The following TANC2 variants were observed in gnomAD, a reference collection of about 807,000 sequenced individuals.
TANC2 encodes tetratricopeptide repeat, ankyrin repeat and coiled-coil containing 2.
TANC2 carries 26 observed loss-of-function variants against 210.5 expected under a neutral mutation model. The observed-to-expected ratio is 0.12, with a 90% CI of 0.09 to 0.17. TANC2 has a LOEUF of 0.17. TANC2 is among the 10% of genes least tolerant of loss of function. The pLI, the probability that TANC2 is intolerant of heterozygous loss-of-function variation, is 1.00. For missense variants in TANC2, 2,129 were observed against 2,608.9 expected (o/e 0.82, Z 4.01); for synonymous variants, 931 against 967.1 (o/e 0.96, Z 0.69).
At chr17:63,345,035 C>T (rs1051440411) in intron 12 of TANC2, among the ~76,000 whole-genome samples, 1 of 152,344 alleles carries the variant, frequency 6.6e-6, no homozygotes, top group Admixed American at 6.5e-5. Context: ...TGCCACCAAA[C>T]ATATGCTTGA....
intron 9 of TANC2, among the ~76,000 whole-genome samples, chr17:63,285,198 T>A (rs978797634): frequency 6.6e-6 from 1 of 152,206 alleles, no homozygotes; most frequent in Non-Finnish European, 1.5e-5. Flanking sequence ...GGCTTCTAAT[T>A]GAAATATTTA....
intron 5 of TANC2, among the ~76,000 whole-genome samples, chr17:63,157,644 A>G (rs2145449258): frequency 6.6e-6 from 1 of 152,330 alleles, no homozygotes; most frequent in East Asian, 1.9e-4. Flanking sequence ...GGATGATAAT[A>G]TTACCTATAT....
At chr17:63,020,120 G>A (rs1293315764) in intron 2 of TANC2, among the ~76,000 whole-genome samples, 3 of 152,162 alleles carry the variant, frequency 2.0e-5, no homozygotes, top group Admixed American at 6.5e-5. Flanking sequence ...TAGAGACGGG[G>A]TTTCACCATT....
intron 3 of TANC2, among the ~76,000 whole-genome samples, chr17:63,081,324 T>C (rs930078205): frequency 6.6e-6 from 1 of 152,178 alleles, no homozygotes; most frequent in Non-Finnish European, 1.5e-5. Context: ...TTTTAAAAAG[T>C]TAATTTATAC....
chr17:63,311,373 A>G lies in TANC2; in HGVS notation c.1160-3015A>G, dbSNP rs141631808. Among the ~76,000 whole-genome samples the G allele has an allele frequency of 4.3e-3, 650 of 152,340 alleles. 6 individuals are homozygous for G. The highest frequency in any genetic ancestry group is 0.014 in the African/African-American group (565 of 41,582). ...CATTGCTAGGTGAAAAAAGTAAATGATGAAACAGTATATATAGTATGATCC... is the reference window on the plus strand; with the variant it reads ...CATTGCTAGGTGAAAAAAGTAAATGGTGAAACAGTATATATAGTATGATCC... On this transcript the variant is annotated intron_variant, in intron 9 of 27. Transcript: ENST00000689528.
At chr17:63,231,860 A>G (rs995414425) in intron 7 of TANC2, among the ~76,000 whole-genome samples, 7 of 152,132 alleles carry the variant, frequency 4.6e-5, no homozygotes, top group African/African-American at 1.4e-4. Flanking sequence ...ATGTTTTCCA[A>G]CTTGGTTCCA....
chr17:63,235,820 CTTG>C (rs1470203515), intron 7 of TANC2, among the ~76,000 whole-genome samples: 9 of 151,822 alleles, frequency 5.9e-5, no homozygotes, highest in African/African-American at 2.2e-4. Context: ...ATCTTTTATT[CTTG>C]TTTTATAATT....
Position 63,285,845 on chromosome 17 carries a change from G to A in TANC2, c.1159+17972G>A, listed in dbSNP as rs184137196. 5.3e-5 allele frequency among the ~76,000 whole-genome samples: 8 copies of A among 152,256 alleles called. No individual in the cohort carries two copies. The East Asian group carries it at 1.5e-3, about 29-fold the overall frequency. Reference sequence around the variant, plus strand: ...CCAAAATTCCAGGCAGCCAGAAGGGGAGCAGGTAAACCACATTGTTTATAC... The same window carrying A: ...CCAAAATTCCAGGCAGCCAGAAGGGAAGCAGGTAAACCACATTGTTTATAC... On this transcript the variant is annotated intron_variant, in intron 9 of 27. Transcript: ENST00000689528.
At chr17:63,413,581 A>G (rs1354480250) in exon 25 of TANC2, 4 of 1,602,256 alleles carry the variant, frequency 2.5e-6, no homozygotes, top group Non-Finnish European at 3.4e-6. Flanking sequence ...CAAGCCAGAC[A>G]TCATGATCAT....
chr17:63,204,852 A>C (rs942211252), intron 7 of TANC2, among the ~76,000 whole-genome samples: 1 of 152,192 alleles, frequency 6.6e-6, no homozygotes, highest in African/African-American at 2.4e-5. Context: ...TGAGAAGCCA[A>C]GGCAGACGGA....
chr17:63,321,656 G>A (rs56081133), intron 11 of TANC2, among the ~76,000 whole-genome samples: 1,891 of 152,202 alleles, frequency 0.012, 38 homozygotes, highest in African/African-American at 0.043. Context: ...TTTGGAGCTG[G>A]GCAGGAAAAG....
chr17:63,302,959 G>A (rs769151394), intron 9 of TANC2, among the ~76,000 whole-genome samples: 9 of 151,862 alleles, frequency 5.9e-5, no homozygotes, highest in South Asian at 4.2e-4. Context: ...AGACAGTTTC[G>A]CCATGTTGGC....
chr17:63,335,815 G>C (rs902350262), intron 11 of TANC2, among the ~76,000 whole-genome samples: 8 of 152,096 alleles, frequency 5.3e-5, no homozygotes, highest in African/African-American at 1.9e-4. Flanking sequence ...TCCTGGTTTT[G>C]ATAATTTTGC....
chr17:63,207,414 A>G (rs887631397), intron 7 of TANC2, among the ~76,000 whole-genome samples: 3 of 151,198 alleles, frequency 2.0e-5, no homozygotes, highest in African/African-American at 4.9e-5. Flanking sequence ...ATGGGGTTTC[A>G]CTGTGTTAGC....
intron 10 of TANC2, among the ~76,000 whole-genome samples, chr17:63,315,790 A>G (rs1221683225): frequency 1.3e-5 from 2 of 152,240 alleles, no homozygotes; most frequent in Admixed American, 6.5e-5. Flanking sequence ...GCCTTGTATC[A>G]TTAAGGAGGC....
intron 14 of TANC2, among the ~76,000 whole-genome samples, chr17:63,371,203 G>A (rs2047258623): frequency 1.3e-5 from 2 of 152,054 alleles, no homozygotes; most frequent in Admixed American, 1.3e-4. Context: ...GGTGGCTCAC[G>A]CCTGTAATCC....
intron 1 of TANC2, among the ~76,000 whole-genome samples, chr17:62,976,262 T>C (rs2031995397): frequency 6.6e-6 from 1 of 152,196 alleles, no homozygotes; most frequent in African/African-American, 2.4e-5. Context: ...CCTTGACAGC[T>C]TTTCTTCAGT....
intron 2 of TANC2, among the ~76,000 whole-genome samples, chr17:63,018,633 A>G (rs1329691867): frequency 6.6e-6 from 1 of 152,346 alleles, no homozygotes; most frequent in South Asian, 2.1e-4. Context: ...ATTAACATTG[A>G]TAACAGTTGA....
intron 7 of TANC2, among the ~76,000 whole-genome samples, chr17:63,232,469 G>A (rs2042503118): frequency 6.6e-6 from 1 of 152,220 alleles, no homozygotes; most frequent in Admixed American, 6.5e-5. Context: ...TGCTGTTGTT[G>A]TTGCTTTCTG....
Sources: allele counts gnomAD v4.1 joint callset (sites outside exome capture counted in the v4.1 genomes callset), GRCh38; gene constraint gnomAD v4.1.1; transcripts MANE v1.5; gene names NCBI Gene and HGNC (gene_info 2026-07-23, HGNC 2026-07-21).